The following PTPRM variants were observed in gnomAD, a reference collection of about 807,000 sequenced individuals.
PTPRM encodes the protein protein tyrosine phosphatase receptor type M.
In PTPRM, 47 loss-of-function variants were observed where a neutral mutation model predicts 186.7. The observed-to-expected ratio is 0.25, with a 90% CI of 0.20 to 0.32. The LOEUF (loss-of-function observed/expected upper bound fraction) is 0.32. Ranked by LOEUF, PTPRM falls within the 10% of genes least tolerant of loss-of-function variation. PTPRM has a pLI of 1.00. For synonymous variants in PTPRM, 668 were observed against 674.9 expected (o/e 0.99, Z 0.16); for missense variants, 1,494 against 1,865.0 (o/e 0.80, Z 3.66).
At chr18:8,171,665 G>A (rs1184587623) in intron 14 of PTPRM, among the ~76,000 whole-genome samples, 3 of 152,188 alleles carry the variant, frequency 2.0e-5, no homozygotes, top group Non-Finnish European at 2.9e-5. Context: ...TCTGGAGAAA[G>A]CTAAATAGAG....
chr18:7,741,569 T>C (rs1406148469), intron 1 of PTPRM: 1 of 152,234 alleles, frequency 6.6e-6, no homozygotes, highest in Non-Finnish European at 1.5e-5. Flanking sequence ...ACATCGGTAT[T>C]GGACTTTGTT....
rs2036478673 is a variant in PTPRM, at chr18:7,568,248, A to G, written c.73+357A>G. Among the ~76,000 whole-genome samples the G allele has an allele frequency of 6.6e-6, 1 of 151,770 alleles. No individual in the cohort carries two copies. Among genetic ancestry groups the G allele is most frequent in the Non-Finnish European group, 1.5e-5 (1 of 67,872 alleles). ...AGGAACAGCAGAAAACTTTGCTTGA[A>G]GTTCCCAGTTGCAGCCGCCGGGCCG... On this transcript the variant is annotated intron_variant, in intron 1 of 32. Coordinates refer to ENST00000580170, the MANE Select transcript of PTPRM (RefSeq NM_001105244.2). The surrounding 1 kb of genome is among the most constrained non-coding windows in gnomAD (Gnocchi z 5.1).
chr18:8,127,273 C>T (rs1179965261), intron 13 of PTPRM, among the ~76,000 whole-genome samples: 2 of 152,070 alleles, frequency 1.3e-5, no homozygotes, highest in African/African-American at 4.8e-5. Flanking sequence ...GGAGCACATG[C>T]TAGGGAACTT....
intron 1 of PTPRM, among the ~76,000 whole-genome samples, chr18:7,710,177 G>A (rs749285255): frequency 5.9e-5 from 9 of 152,032 alleles, no homozygotes; most frequent in South Asian, 4.1e-4. Flanking sequence ...ATCCAACAGC[G>A]TATCAAAAAG....
rs531845356 is a variant in PTPRM, at chr18:8,364,593, G to C, written c.3055-6297G>C. Among the ~76,000 whole-genome samples, 7 of 152,274 alleles carry C rather than the reference G, an allele frequency of 4.6e-5. No homozygotes were observed. The East Asian group carries it at 1.2e-3, about 25-fold the overall frequency. ...GCTCTATGTGGTAGCTGTGCTTCAT[G>C]GCAGTGTTTTTGCTCTCACTATCCA... is the stretch of plus-strand genomic sequence containing the variant. On this transcript the variant is annotated intron_variant, in intron 23 of 32. Coordinates refer to ENST00000580170, the MANE Select transcript of PTPRM (RefSeq NM_001105244.2).
intron 1 of PTPRM, among the ~76,000 whole-genome samples, chr18:7,736,825 G>A (rs948768693): frequency 1.3e-5 from 2 of 152,052 alleles, no homozygotes; most frequent in Admixed American, 6.5e-5. Flanking sequence ...GCCTGGTTTC[G>A]GGCCTGGCGC....
intron 1 of PTPRM, among the ~76,000 whole-genome samples, chr18:7,645,059 A>G (rs1314440407): frequency 6.6e-6 from 1 of 152,194 alleles, no homozygotes; most frequent in Non-Finnish European, 1.5e-5. Context: ...TGAAACAGTT[A>G]TGCATTTTCT....
At chr18:8,384,419 C>A in intron 29 of PTPRM, 142 bp from the exon 30 acceptor site, 1 of 931,768 alleles carries the variant, frequency 1.1e-6, no homozygotes, top group Non-Finnish European at 1.6e-6. Context: ...GATCGCACCA[C>A]TGCACTCTAG....
chr18:7,623,365 A>C (rs916736116), intron 1 of PTPRM, among the ~76,000 whole-genome samples: 1 of 152,256 alleles, frequency 6.6e-6, no homozygotes, highest in African/African-American at 2.4e-5. Flanking sequence ...TACCTACTCA[A>C]AGTAGCACTA....
intron 23 of PTPRM, among the ~76,000 whole-genome samples, chr18:8,361,275 C>T (rs906452364): frequency 1.3e-5 from 2 of 152,142 alleles, no homozygotes; most frequent in Non-Finnish European, 2.9e-5. Flanking sequence ...GAAATTAAAG[C>T]TTGTTATCTT....
intron 1 of PTPRM, among the ~76,000 whole-genome samples, chr18:7,695,513 G>A (rs960044896): frequency 1.3e-5 from 2 of 152,180 alleles, no homozygotes; most frequent in African/African-American, 4.8e-5. Flanking sequence ...AGCCACACAT[G>A]CTATTCAGTA....
At chr18:8,325,753 C>T (rs770323757) in intron 22 of PTPRM, among the ~76,000 whole-genome samples, 11 of 152,068 alleles carry the variant, frequency 7.2e-5, no homozygotes, top group Admixed American at 1.3e-4. Flanking sequence ...AGAAATTTCC[C>T]ACACTGCTTT....
At chr18:7,674,696 T>G (rs2039295686) in intron 1 of PTPRM, among the ~76,000 whole-genome samples, 3 of 152,212 alleles carry the variant, frequency 2.0e-5, no homozygotes, top group Admixed American at 2.0e-4. Context: ...TAGTGAAGAC[T>G]AGAGAAGTTA....
At position 8,032,937 on chromosome 18, in the gene PTPRM, T is replaced by TA. The variant is rs577632720; in HGVS notation, c.1133-36741dup. ...GAAACAGATGAAGCCTTGGAAGTACTAAAAAAAAGGACAGGCAAATATTTT... is the reference window on the plus strand; with the variant it reads ...GAAACAGATGAAGCCTTGGAAGTACTAAAAAAAAAGGACAGGCAAATATTTT... On this transcript the variant is annotated intron_variant, in intron 7 of 32. Transcript: ENST00000580170. Among the ~76,000 whole-genome samples, 1,141 of 151,890 alleles carry TA rather than the reference T, an allele frequency of 7.5e-3. 6 individuals carry two copies. Among genetic ancestry groups the TA allele is most frequent in the South Asian group, 0.029 (140 of 4,808 alleles).
intron 14 of PTPRM, among the ~76,000 whole-genome samples, chr18:8,239,058 A>G (rs2094385424): frequency 6.7e-6 from 1 of 149,428 alleles, no homozygotes; most frequent in Non-Finnish European, 1.5e-5. Context: ...GGTTAGTTAC[A>G]TATGTATACA....
chr18:8,221,157 CT>C (rs1368691929), intron 14 of PTPRM, among the ~76,000 whole-genome samples: 3 of 152,080 alleles, frequency 2.0e-5, no homozygotes, highest in Non-Finnish European at 4.4e-5. Flanking sequence ...TCAAGGAAGA[CT>C]AGGATAGCAA....
chr18:8,014,861 A>C (rs569506261), intron 7 of PTPRM, among the ~76,000 whole-genome samples: 7 of 152,214 alleles, frequency 4.6e-5, no homozygotes, highest in Non-Finnish European at 1.0e-4. Context: ...CATTTCAATA[A>C]GGCATTGCTG....
intron 7 of PTPRM, among the ~76,000 whole-genome samples, chr18:8,041,875 C>G (rs1282003246): frequency 6.6e-6 from 1 of 152,216 alleles, no homozygotes; most frequent in Non-Finnish European, 1.5e-5. Context: ...ATGCTTGTCT[C>G]TCTTTAGAAC....
At chr18:7,753,546 G>A (rs1237551212) in intron 1 of PTPRM, among the ~76,000 whole-genome samples, 1 of 152,146 alleles carries the variant, frequency 6.6e-6, no homozygotes, top group South Asian at 2.1e-4. Flanking sequence ...TGGTAGGGTT[G>A]TTGAGTATGA....
Sources: gnomAD v4.1 joint callset for allele counts (sites outside exome capture counted in the v4.1 genomes callset) on GRCh38, gnomAD v4.1.1 for gene constraint, Gnocchi (gnomAD v3.1) non-coding constraint, MANE v1.5 for transcripts, NCBI Gene and HGNC (gene_info 2026-07-23, HGNC 2026-07-21) for gene names.